PPP2R2B: variants seen among roughly 807,000 people sequenced by gnomAD.
PPP2R2B encodes the protein protein phosphatase 2 regulatory subunit Bbeta.
A neutral mutation model predicts 46.0 loss-of-function variants in PPP2R2B; 5 were observed. The observed-to-expected ratio is 0.11, with a 90% CI of 0.06 to 0.23. PPP2R2B has a LOEUF of 0.23. Among genes scored for constraint, PPP2R2B ranks in the 10% least tolerant of loss-of-function variants. PPP2R2B has a pLI of 1.00. For missense variants in PPP2R2B, 367 were observed against 575.0 expected (o/e 0.64, Z 3.70); for synonymous variants, 215 against 206.7 (o/e 1.04, Z -0.34).
At chr5:146,969,150 C>T (rs1375963445) in intron 1 of PPP2R2B, among the ~76,000 whole-genome samples, 2 of 152,090 alleles carry the variant, frequency 1.3e-5, no homozygotes, top group African/African-American at 2.4e-5. Context: ...AAGATGCCAT[C>T]GGAGCATTTG....
In PPP2R2B at chr5:146,878,263, C is replaced by T; in HGVS notation, c.-124-68G>A. The T allele has an allele frequency of 6.7e-7, 1 of 1,486,000 alleles. No individual in the cohort carries two copies. Among genetic ancestry groups the T allele is most frequent in the Non-Finnish European group, 8.9e-7 (1 of 1,121,476 alleles). The allele number at this position is 1,486,000 out of a possible 1,614,324, so 92.1% of individuals were successfully genotyped here. On this transcript the variant is annotated intron_variant, in intron 1 of 9. Transcript: ENST00000394411. This position sits in a 1 kb window ranked among gnomAD's most constrained non-coding sequence, Gnocchi z 4.5. ...CCGGCAATGGAGCTGTCACCTCCTC[C>T]ACTCGGGTTCTGCGAGGCTGCGGCG...
intron 2 of PPP2R2B, among the ~76,000 whole-genome samples, chr5:146,742,676 C>T (rs965434233): frequency 2.6e-5 from 4 of 151,914 alleles, no homozygotes; most frequent in Admixed American, 2.0e-4. Flanking sequence ...ATTGTGCCCT[C>T]CCAAAATTTA....
chr5:147,024,656 A>G (rs1276895003), intron 1 of PPP2R2B, among the ~76,000 whole-genome samples: 1 of 152,164 alleles, frequency 6.6e-6, no homozygotes, highest in Non-Finnish European at 1.5e-5. Flanking sequence ...AGAAATTAAT[A>G]ACAAAAATAG....
At chr5:146,678,892 G>C (rs1387315715) in intron 5 of PPP2R2B, among the ~76,000 whole-genome samples, 3 of 103,638 alleles carry the variant, frequency 2.9e-5, no homozygotes, top group Admixed American at 2.8e-4. Context: ...GGAAATAAAA[G>C]AGGATACAAA....
At chr5:146,928,606 A>G (rs1018110357) in intron 1 of PPP2R2B, among the ~76,000 whole-genome samples, 1 of 152,132 alleles carries the variant, frequency 6.6e-6, no homozygotes, top group African/African-American at 2.4e-5. Flanking sequence ...GAGAAATACC[A>G]TCTTTCACAG....
At chr5:147,081,464 T>C (rs1208927513), upstream of PPP2R2B, 5 of 622,972 alleles carry the variant, frequency 8.0e-6, no homozygotes, top group Non-Finnish European at 1.1e-5. Context: ...TCATCCCCTG[T>C]GTGACTGGCC....
intron 2 of PPP2R2B, among the ~76,000 whole-genome samples, chr5:146,783,039 A>AT: frequency 6.6e-6 from 1 of 152,010 alleles, no homozygotes; most frequent in East Asian, 1.9e-4. Context: ...ATGAAAAAGT[A>AT]AGTAGGTATA....
chr5:146,638,176 A>G, intron 7 of PPP2R2B, 75 bp downstream of exon 7: 2 of 1,472,272 alleles, frequency 1.4e-6, no homozygotes, highest in South Asian at 2.7e-5. Context: ...AAGGGAGATC[A>G]TAAGCTTCCA....
At chr5:146,608,108 G>T (rs1772470823) in intron 7 of PPP2R2B, among the ~76,000 whole-genome samples, 1 of 152,212 alleles carries the variant, frequency 6.6e-6, no homozygotes, top group African/African-American at 2.4e-5. Flanking sequence ...GCCATAGTTT[G>T]CTGAGCCCTG....
At chr5:146,722,832 A>G (rs1026333443) in intron 2 of PPP2R2B, among the ~76,000 whole-genome samples, 1 of 152,224 alleles carries the variant, frequency 6.6e-6, no homozygotes, top group African/African-American at 2.4e-5. Context: ...CTTGTGATAG[A>G]ATATAATTAC....
At chr5:146,622,546 G>A (rs144346135) in intron 7 of PPP2R2B, among the ~76,000 whole-genome samples, 49 of 152,144 alleles carry the variant, frequency 3.2e-4, no homozygotes, top group Middle Eastern at 3.4e-3. Flanking sequence ...ACCTATAACC[G>A]GCCTTTATAA....
At chr5:146,592,839 A>T in intron 9 of PPP2R2B, 132 bp downstream of exon 9, 2 of 782,608 alleles carry the variant, frequency 2.6e-6, no homozygotes, top group South Asian at 3.2e-5. Context: ...CTAGGGGCCC[A>T]CATTATGCAT....
chr5:146,720,645 C>T (rs1780742812), intron 2 of PPP2R2B, among the ~76,000 whole-genome samples: 2 of 152,234 alleles, frequency 1.3e-5, no homozygotes, highest in African/African-American at 2.4e-5. Flanking sequence ...ACAGTTCATA[C>T]ATTAACAGAT....
intron 1 of PPP2R2B, among the ~76,000 whole-genome samples, chr5:146,938,749 GCC>G (rs1764231450): frequency 4.7e-5 from 6 of 126,702 alleles, no homozygotes; most frequent in Non-Finnish European, 6.5e-5. Flanking sequence ...TTAGATAATA[GCC>G]TTTTTTTTTT....
At position 146,585,467 on chromosome 5, in the gene PPP2R2B, A is replaced by G. The variant is rs1770104495; in HGVS notation, c.*4480T>C. The G allele has an allele frequency of 1.3e-5, 2 of 152,230 alleles. No individual in the cohort carries two copies. The highest frequency in any genetic ancestry group is 2.9e-5 in the Non-Finnish European group (2 of 68,046). The allele number at this position is 152,230 out of a possible 1,614,324, so 9.4% of individuals were successfully genotyped here. ...GTTTTAGGGGTAAATAAGTCAATAC[A>G]TGTGAAATTTGTAGAACAAAGCCTG... On this transcript the variant is annotated 3_prime_UTR_variant, in exon 10 of 10. Coordinates refer to ENST00000394411, the MANE Select transcript of PPP2R2B (RefSeq NM_181675.4).
intron 1 of PPP2R2B, among the ~76,000 whole-genome samples, chr5:146,951,330 G>A (rs769710717): frequency 1.1e-4 from 17 of 151,190 alleles, no homozygotes; most frequent in Non-Finnish European, 2.2e-4. Flanking sequence ...TCCATTCCCC[G>A]TTTAAAGTTC....
chr5:146,715,125 C>T (rs1780422925), intron 2 of PPP2R2B, among the ~76,000 whole-genome samples: 1 of 152,168 alleles, frequency 6.6e-6, no homozygotes, highest in Non-Finnish European at 1.5e-5. Context: ...GAAAAAAACC[C>T]TACACTCTCA....
chr5:146,816,684 T>A (rs1444348723), intron 2 of PPP2R2B, among the ~76,000 whole-genome samples: 2 of 152,216 alleles, frequency 1.3e-5, no homozygotes, highest in Non-Finnish European at 2.9e-5. Context: ...AACACAGGTT[T>A]TTTATTAAAC....
chr5:146,925,323 G>C (rs1472739707), intron 1 of PPP2R2B, among the ~76,000 whole-genome samples: 1 of 152,226 alleles, frequency 6.6e-6, no homozygotes, highest in Middle Eastern at 3.4e-3. Flanking sequence ...TTTTAAAACA[G>C]GGCTGCTAGC....
Sources: allele counts gnomAD v4.1 joint callset (sites outside exome capture counted in the v4.1 genomes callset), GRCh38; gene constraint gnomAD v4.1.1; non-coding constraint Gnocchi (gnomAD v3.1); transcripts MANE v1.5; gene names NCBI Gene and HGNC (gene_info 2026-07-23, HGNC 2026-07-21).